CNTNAP2: variants seen among roughly 807,000 people sequenced by gnomAD.
The protein encoded by CNTNAP2 is contactin associated protein 2.
Under a neutral mutation model 155.2 loss-of-function variants are expected in CNTNAP2, and 98 were observed. The observed-to-expected ratio is 0.63, with a 90% CI of 0.54 to 0.75. CNTNAP2 has a LOEUF of 0.75. Ranked by LOEUF, CNTNAP2 falls within the 30% of genes least tolerant of loss-of-function variation. The pLI is 0.00. For synonymous variants in CNTNAP2, 651 were observed against 631.2 expected, an observed-to-expected ratio of 1.03 and a Z score of -0.47; for missense variants, 1,727 against 1,688.1, an observed-to-expected ratio of 1.02 and a Z score of -0.40.
intron 8 of CNTNAP2, among the ~76,000 whole-genome samples, chr7:147,210,367 C>T (rs1803121364): frequency 6.6e-6 from 1 of 151,930 alleles, no homozygotes; most frequent in Non-Finnish European, 1.5e-5. Context: ...TTTAGACATT[C>T]TGTTTTGTGT....
intron 4 of CNTNAP2, among the ~76,000 whole-genome samples, chr7:147,101,257 CA>C (rs1800646283): frequency 6.6e-6 from 1 of 152,126 alleles, no homozygotes; most frequent in Non-Finnish European, 1.5e-5. Context: ...GAGTTTATTT[CA>C]AAAAGGTCTT....
intron 12 of CNTNAP2, among the ~76,000 whole-genome samples, chr7:147,572,439 C>T (rs1800314069): frequency 6.6e-6 from 1 of 152,154 alleles, no homozygotes; most frequent in African/African-American, 2.4e-5. Context: ...CTCAGCCCTT[C>T]TGAGGTTTCC....
chr7:148,284,003 TAGC>T (rs1169286631), intron 21 of CNTNAP2, among the ~76,000 whole-genome samples: 4 of 152,240 alleles, frequency 2.6e-5, no homozygotes, highest in African/African-American at 9.6e-5. Flanking sequence ...AATTGAGTGT[TAGC>T]AGCAACTGTA....
At chr7:146,167,530 A>G (rs1269480902) in intron 1 of CNTNAP2, among the ~76,000 whole-genome samples, 3 of 152,202 alleles carry the variant, frequency 2.0e-5, no homozygotes, top group Non-Finnish European at 4.4e-5. Flanking sequence ...TAAACTCAAA[A>G]GTTATTTAAG....
intron 3 of CNTNAP2, among the ~76,000 whole-genome samples, chr7:146,843,073 C>T (rs77376321): frequency 9.7e-6 from 1 of 103,144 alleles, no homozygotes; most frequent in Non-Finnish European, 1.8e-5. Context: ...ACTGCAGTGG[C>T]GCAATCTCGG....
chr7:146,782,319 C>T (rs1802505673), intron 2 of CNTNAP2: 2 of 152,154 alleles, frequency 1.3e-5, no homozygotes, highest in Admixed American at 6.5e-5. Context: ...GAACTGGTTT[C>T]CTAATGGGGC....
At chr7:147,108,101 T>G (rs777386257) in intron 4 of CNTNAP2, 46 bp from the exon 5 acceptor site, 1 of 1,552,484 alleles carries the variant, frequency 6.4e-7, no homozygotes. Flanking sequence ...AAGTGGATGG[T>G]AACATACATG....
intron 1 of CNTNAP2, among the ~76,000 whole-genome samples, chr7:146,308,236 A>G (rs1428374408): frequency 1.3e-5 from 2 of 152,232 alleles, no homozygotes; most frequent in African/African-American, 4.8e-5. Context: ...AATGCTCATC[A>G]TCACTGGCCA....
At chr7:147,530,988 A>G (rs1338043473) in intron 11 of CNTNAP2, among the ~76,000 whole-genome samples, 1 of 152,208 alleles carries the variant, frequency 6.6e-6, no homozygotes, top group African/African-American at 2.4e-5. Context: ...TACAGGGACC[A>G]TGCAAGTCTG....
chr7:146,459,178 T>A (rs1252227063), intron 1 of CNTNAP2, among the ~76,000 whole-genome samples: 1 of 152,226 alleles, frequency 6.6e-6, no homozygotes, highest in Non-Finnish European at 1.5e-5. Context: ...TACTCACCGA[T>A]GAAATTGATT....
chr7:147,383,540 C>T lies in CNTNAP2; in HGVS notation c.1499-12069C>T, dbSNP rs888340485. 7.9e-5 allele frequency among the ~76,000 whole-genome samples: 12 copies of T among 152,094 alleles called. No homozygotes were observed. The South Asian group carries it at 1.5e-3, about 18-fold the overall frequency. ...TAGGAACAGAAACCCAAACACCACA[C>T]GTTCTCACTCATAAGTGGGAGTTGA... On this transcript the variant is annotated intron_variant, in intron 9 of 23. Transcript: ENST00000361727.
intron 12 of CNTNAP2, among the ~76,000 whole-genome samples, chr7:147,576,989 G>A (rs553742243): frequency 6.6e-6 from 1 of 152,136 alleles, no homozygotes; most frequent in South Asian, 2.1e-4. Context: ...TATTTTAAAA[G>A]TAAATTACAA....
intron 13 of CNTNAP2, among the ~76,000 whole-genome samples, chr7:147,781,094 T>A (rs1050114239): frequency 6.6e-6 from 1 of 152,240 alleles, no homozygotes; most frequent in African/African-American, 2.4e-5. Flanking sequence ...ACTTATTAGT[T>A]GCCTCTTTTG....
At chr7:148,120,258 C>G (rs1804571255) in intron 16 of CNTNAP2, among the ~76,000 whole-genome samples, 1 of 149,056 alleles carries the variant, frequency 6.7e-6, no homozygotes, top group Non-Finnish European at 1.5e-5. Context: ...AATTTCTCTA[C>G]TTTCTTCTAC....
At chr7:147,174,851 G>A (rs796838805) in intron 8 of CNTNAP2, among the ~76,000 whole-genome samples, 17 of 152,146 alleles carry the variant, frequency 1.1e-4, no homozygotes, top group East Asian at 3.9e-4. Flanking sequence ...CTCCTTTGTC[G>A]CACTGGGAAC....
intron 1 of CNTNAP2, among the ~76,000 whole-genome samples, chr7:146,507,449 G>A (rs1290488504): frequency 1.3e-5 from 2 of 152,160 alleles, no homozygotes; most frequent in Non-Finnish European, 2.9e-5. Flanking sequence ...CAGCCTCATT[G>A]TCCCAATCCC....
chr7:147,903,826 A>C, intron 14 of CNTNAP2, 105 bp downstream of exon 14: 1 of 1,393,960 alleles, frequency 7.2e-7, no homozygotes, highest in South Asian at 1.2e-5. Context: ...TAATACGATA[A>C]TAGGGTAGAA....
At chr7:146,845,632 C>T (rs937122543) in intron 3 of CNTNAP2, among the ~76,000 whole-genome samples, 6 of 152,188 alleles carry the variant, frequency 3.9e-5, no homozygotes, top group African/African-American at 7.2e-5. Flanking sequence ...TTTCAGATTC[C>T]CTTTACCTCT....
chr7:146,835,599 G>GA (rs1453562085), intron 2 of CNTNAP2, among the ~76,000 whole-genome samples: 1 of 151,860 alleles, frequency 6.6e-6, no homozygotes, highest in African/African-American at 2.4e-5. Context: ...ACTACAATAG[G>GA]AAAAAAATAA....
Sources: gnomAD v4.1 joint callset for allele counts (sites outside exome capture counted in the v4.1 genomes callset) on GRCh38, gnomAD v4.1.1 for gene constraint, MANE v1.5 for transcripts, NCBI Gene and HGNC (gene_info 2026-07-23, HGNC 2026-07-21) for gene names.